Variants in UBE3D observed in about 807,000 individuals in gnomAD.
UBE3D encodes the protein ubiquitin protein ligase E3D, also known as E3 ubiquitin-protein ligase E3D.
Under a neutral mutation model 49.6 loss-of-function variants are expected in UBE3D, and 48 were observed. That is an observed-to-expected ratio of 0.97 (90% confidence interval 0.77 to 1.23). UBE3D has a LOEUF of 1.23. UBE3D is among the 50% of genes most tolerant of loss of function. The probability of loss-of-function intolerance (pLI) is 0.00; values close to 1 mark genes in which losing one functional copy is unlikely to be tolerated. For synonymous variants in UBE3D, 189 were observed against 174.2 expected (o/e 1.08, Z -0.67); for missense variants, 452 against 468.4 (o/e 0.96, Z 0.32).
At chr6:82,946,351 T>A (rs972507547) in intron 9 of UBE3D, among the ~76,000 whole-genome samples, 3 of 151,936 alleles carry the variant, frequency 2.0e-5, no homozygotes, top group Non-Finnish European at 4.4e-5. Flanking sequence ...GAGAGTGGCA[T>A]GACCTATTTA....
At chr6:82,895,427 T>C (rs552272018) in intron 9 of UBE3D, among the ~76,000 whole-genome samples, 4 of 152,142 alleles carry the variant, frequency 2.6e-5, no homozygotes, top group African/African-American at 7.2e-5. Flanking sequence ...ACATTTTCGG[T>C]TGTCAACGTA....
chr6:82,910,840 C>T (rs1772451735), intron 9 of UBE3D, among the ~76,000 whole-genome samples: 1 of 152,130 alleles, frequency 6.6e-6, no homozygotes, highest in Non-Finnish European at 1.5e-5. Flanking sequence ...GAAGATTGTT[C>T]TGAGTGTTAT....
chr6:82,895,398 C>G (rs879576751), intron 9 of UBE3D, among the ~76,000 whole-genome samples: 1 of 152,042 alleles, frequency 6.6e-6, no homozygotes, highest in Non-Finnish European at 1.5e-5. Flanking sequence ...TACTGACGGG[C>G]GTTTGGCAGT....
At chr6:82,962,082 G>A (rs1437879781) in intron 8 of UBE3D, among the ~76,000 whole-genome samples, 2 of 151,968 alleles carry the variant, frequency 1.3e-5, no homozygotes, top group South Asian at 4.1e-4. Context: ...GTTAGAGTAA[G>A]TGAAAATAAC....
chr6:82,932,079 TG>T (rs1054882332), intron 9 of UBE3D, among the ~76,000 whole-genome samples: 2 of 152,178 alleles, frequency 1.3e-5, no homozygotes, highest in African/African-American at 2.4e-5. Flanking sequence ...TGTCACCATG[TG>T]ACATGTGTTC....
intron 9 of UBE3D, among the ~76,000 whole-genome samples, chr6:82,921,644 T>C (rs1016559954): frequency 2.0e-5 from 3 of 152,212 alleles, no homozygotes; most frequent in African/African-American, 7.2e-5. Flanking sequence ...AGAAAGGCAC[T>C]TGTGAGAATT....
In UBE3D at chr6:82,892,946, T is replaced by C. The variant is rs1189712287; in HGVS notation, c.*76A>G. On this transcript the variant is annotated 3_prime_UTR_variant, in exon 10 of 10. Transcript: ENST00000369747. Reference sequence around the variant, plus strand: ...TCTTGTCTTTGTAATTGATGCCTCCTGAGCTGACTGCTGGCCTCGGTGTGC... The same window carrying C: ...TCTTGTCTTTGTAATTGATGCCTCCCGAGCTGACTGCTGGCCTCGGTGTGC... The C allele has an allele frequency of 3.9e-6, 6 of 1,547,540 alleles. No individual in the cohort carries two copies. Among genetic ancestry groups the C allele is most frequent in the South Asian group, 1.1e-5 (1 of 89,702 alleles).
At position 83,020,783 on chromosome 6, in the gene UBE3D, A is replaced by T. The variant is rs369736843; in HGVS notation, c.847-1647T>A. Among the ~76,000 whole-genome samples the T allele has an allele frequency of 7.9e-5, 12 of 152,304 alleles. No individual in the cohort carries two copies. The East Asian group carries it at 2.3e-3, about 29-fold the overall frequency. On this transcript the variant is annotated intron_variant, in intron 7 of 9. Coordinates refer to ENST00000369747, the MANE Select transcript of UBE3D (RefSeq NM_198920.3). The stretch of plus-strand genomic sequence containing the variant: ...AGCTACAGAGTCACACCTAACAGCA[A>T]CTTCAGGCCCTTCCCTCCTTTTTGT...
chr6:83,005,364 G>A (rs1181811544), intron 8 of UBE3D, among the ~76,000 whole-genome samples: 1 of 151,942 alleles, frequency 6.6e-6, no homozygotes, highest in African/African-American at 2.4e-5. Flanking sequence ...AAACTGGACT[G>A]CTTGTGTACT....
intron 8 of UBE3D, among the ~76,000 whole-genome samples, chr6:82,969,316 T>G (rs927518184): frequency 3.9e-5 from 6 of 152,034 alleles, no homozygotes; most frequent in Admixed American, 6.6e-5. Context: ...ACGATAAAAA[T>G]ACTTAGAAAG....
At chr6:82,922,060 G>A (rs529877620) in intron 9 of UBE3D, among the ~76,000 whole-genome samples, 3 of 152,224 alleles carry the variant, frequency 2.0e-5, no homozygotes, top group South Asian at 4.1e-4. Context: ...ATAAGAGATT[G>A]GACATAGTAG....
chr6:83,051,216 T>C (rs571739862), intron 3 of UBE3D, among the ~76,000 whole-genome samples: 27 of 152,292 alleles, frequency 1.8e-4, no homozygotes, highest in African/African-American at 6.3e-4. Flanking sequence ...CCTGAGGTAG[T>C]ACAAACACAA....
intron 9 of UBE3D, among the ~76,000 whole-genome samples, chr6:82,936,500 T>G (rs566022931): frequency 2.5e-4 from 37 of 145,464 alleles, no homozygotes; most frequent in Admixed American, 1.8e-3. Flanking sequence ...ACAGGTTTTG[T>G]TTTTTTTTTA....
At chr6:83,031,031 CG>C (rs1562206343) in intron 5 of UBE3D, among the ~76,000 whole-genome samples, 2 of 151,612 alleles carry the variant, frequency 1.3e-5, no homozygotes, top group African/African-American at 4.8e-5. Context: ...TTTTTGAAAC[CG>C]GGTCTCATTC....
At chr6:82,919,730 T>C (rs183547681) in intron 9 of UBE3D, among the ~76,000 whole-genome samples, 6 of 152,264 alleles carry the variant, frequency 3.9e-5, no homozygotes, top group South Asian at 2.1e-4. Flanking sequence ...TAGCATGGCA[T>C]AGAGGAAGTA....
At position 83,045,788 on chromosome 6, in the gene UBE3D, G is replaced by A. The variant is rs138639856; in HGVS notation, c.366-1129C>T. On this transcript the variant is annotated intron_variant, in intron 3 of 9. Transcript: ENST00000369747. The stretch of plus-strand genomic sequence containing the variant: ...TAGATTTGTCAAAACTACACACTTT[G>A]AATTCCACCTGTTTTTCCACTAATA... Among the ~76,000 whole-genome samples, 5 of 152,190 alleles carry A rather than the reference G, an allele frequency of 3.3e-5. No homozygotes were observed. In the East Asian group the frequency reaches 9.6e-4, roughly 29 times the overall value.
chr6:82,979,019 T>A (rs1232042289), intron 8 of UBE3D, among the ~76,000 whole-genome samples: 1 of 152,126 alleles, frequency 6.6e-6, no homozygotes, highest in African/African-American at 2.4e-5. Flanking sequence ...TGTTAACATT[T>A]TATCTCCTCC....
chr6:82,914,916 C>CT (rs34343300), intron 9 of UBE3D, among the ~76,000 whole-genome samples: 101,897 of 151,884 alleles, frequency 0.67, 34,729 homozygotes, highest in East Asian at 0.79. Flanking sequence ...ATGGAAATTA[C>CT]TTTTTCCATT....
Position 82,919,597 on chromosome 6 carries a change from AAAAAT to A in UBE3D, c.1150-26560_1150-26556del, listed in dbSNP as rs542751258. 6.4e-3 allele frequency among the ~76,000 whole-genome samples: 967 copies of A among 151,992 alleles called. 12 individuals carry two copies. The highest frequency in any genetic ancestry group is 0.022 in the African/African-American group (910 of 41,410). On this transcript the variant is annotated intron_variant, in intron 9 of 9. Transcript: ENST00000369747. The stretch of plus-strand genomic sequence containing the variant: ...GGCGACACAGCAAGACTCAGTCTCA[AAAAAT>A]AAAATAAAATAAAATAAAATAATAA...
Sources: allele counts gnomAD v4.1 joint callset (sites outside exome capture counted in the v4.1 genomes callset), GRCh38; gene constraint gnomAD v4.1.1; transcripts MANE v1.5; gene names NCBI Gene and HGNC (gene_info 2026-07-23, HGNC 2026-07-21).